Variants in ERC2 observed in about 807,000 individuals in gnomAD.
ERC2 encodes the protein ELKS/RAB6-interacting/CAST family member 2.
ERC2 carries 42 observed loss-of-function variants against 114.8 expected under a neutral mutation model. The ratio of observed to expected loss-of-function variants is 0.37; its 90% confidence interval spans 0.29 to 0.47. The LOEUF (loss-of-function observed/expected upper bound fraction) is 0.47. Among genes scored for constraint, ERC2 ranks in the 20% least tolerant of loss-of-function variants. The pLI, the probability that ERC2 is intolerant of heterozygous loss-of-function variation, is 0.99. For synonymous variants in ERC2, 454 were observed against 425.5 expected, an observed-to-expected ratio of 1.07 and a Z score of -0.82; for missense variants, 939 against 1,150.7, an observed-to-expected ratio of 0.82 and a Z score of 2.66.
intron 3 of ERC2, among the ~76,000 whole-genome samples, chr3:56,271,660 G>A: frequency 6.6e-6 from 1 of 152,100 alleles, no homozygotes; most frequent in East Asian, 1.9e-4. Context: ...TATTATATAA[G>A]GAAATTGCAT....
intron 7 of ERC2, among the ~76,000 whole-genome samples, chr3:56,051,123 G>A (rs2075742818): frequency 6.6e-6 from 1 of 152,138 alleles, no homozygotes; most frequent in Non-Finnish European, 1.5e-5. Flanking sequence ...TCAGAATGAA[G>A]CACTTCCCTG....
chr3:56,150,581 TTCCTTTAAAAATAA>T (rs1340177539), intron 4 of ERC2, among the ~76,000 whole-genome samples: 79 of 152,346 alleles, frequency 5.2e-4, no homozygotes, highest in African/African-American at 1.8e-3. Context: ...GTATTTCATT[TTCCTTTAAAAATAA>T]TACCTATTGT....
chr3:55,580,812 T>C (rs2057224115), intron 17 of ERC2, among the ~76,000 whole-genome samples: 1 of 152,196 alleles, frequency 6.6e-6, no homozygotes, highest in Admixed American at 6.5e-5. Flanking sequence ...TGTGCTTGCC[T>C]ACATGGGGTT....
intron 3 of ERC2, among the ~76,000 whole-genome samples, chr3:56,264,810 C>A (rs1576164001): frequency 2.9e-5 from 3 of 104,700 alleles, no homozygotes; most frequent in Non-Finnish European, 4.0e-5. Context: ...TTGTCTACAG[C>A]AAATATGACC....
At chr3:56,420,533 G>A (rs1404664773) in intron 2 of ERC2, among the ~76,000 whole-genome samples, 1 of 151,896 alleles carries the variant, frequency 6.6e-6, no homozygotes. Context: ...AAAGTTTACA[G>A]ATCCTAATTA....
intron 2 of ERC2, among the ~76,000 whole-genome samples, chr3:56,320,049 T>C (rs1386610925): frequency 2.0e-5 from 3 of 152,206 alleles, no homozygotes; most frequent in Admixed American, 6.5e-5. Flanking sequence ...AAACGACAAT[T>C]CATTAATCAG....
intron 15 of ERC2, among the ~76,000 whole-genome samples, chr3:55,710,470 G>C (rs2063721640): frequency 1.3e-5 from 2 of 151,974 alleles, no homozygotes. Flanking sequence ...AATGTCTACT[G>C]TGTTGAGTCA....
At position 55,992,164 on chromosome 3, in the gene ERC2, G is replaced by A. The variant is rs1191910660; in HGVS notation, c.2148C>T (p.Arg716=). ...CCGCTTGGGCCTTGCCACACTCGTC[G>A]CGGTAGTAAGACGCCTCTTTATCGA... ...KQLDKEASYY[R]DECGKAQAEV... is the part of the protein sequence containing the mutation. The change falls in exon 11 of 18, where the codon CGC becomes CGT. Residue 716 remains arginine, a synonymous_variant. Transcript: ENST00000288221. The A allele has an allele frequency of 3.7e-6, 6 of 1,613,740 alleles. No homozygotes were observed. Among genetic ancestry groups the A allele is most frequent in the African/African-American group, 2.7e-5 (2 of 74,882 alleles).
At chr3:56,279,751 G>T (rs1393787255) in intron 3 of ERC2, among the ~76,000 whole-genome samples, 2 of 152,170 alleles carry the variant, frequency 1.3e-5, no homozygotes, top group Non-Finnish European at 2.9e-5. Context: ...ACTACAAGAG[G>T]TACGAAGCTG....
At chr3:56,265,843 A>G (rs1026111307) in intron 3 of ERC2, among the ~76,000 whole-genome samples, 18 of 152,014 alleles carry the variant, frequency 1.2e-4, no homozygotes, top group African/African-American at 4.1e-4. Context: ...AGCCTGGCCA[A>G]CATACTGAAA....
intron 17 of ERC2, among the ~76,000 whole-genome samples, chr3:55,627,405 G>T (rs2059562236): frequency 6.6e-6 from 1 of 152,076 alleles, no homozygotes; most frequent in African/African-American, 2.4e-5. Flanking sequence ...GGCAGAGGTT[G>T]CAGTGAGCTG....
At chr3:55,539,506 T>C (rs2054246586) in intron 17 of ERC2, among the ~76,000 whole-genome samples, 1 of 139,864 alleles carries the variant, frequency 7.1e-6, no homozygotes, top group Non-Finnish European at 1.5e-5. Flanking sequence ...CACTGCACGC[T>C]GCACCTCCCA....
chr3:55,679,846 G>A (rs1205447632), intron 17 of ERC2, among the ~76,000 whole-genome samples: 1 of 152,170 alleles, frequency 6.6e-6, no homozygotes, highest in East Asian at 1.9e-4. Flanking sequence ...TCTTTTTGCA[G>A]CCATTAAATT....
intron 17 of ERC2, among the ~76,000 whole-genome samples, chr3:55,537,921 C>T (rs1020158039): frequency 6.6e-6 from 1 of 152,192 alleles, no homozygotes; most frequent in Non-Finnish European, 1.5e-5. Flanking sequence ...TAGAACACTG[C>T]ATCCCCTTCC....
intron 12 of ERC2, among the ~76,000 whole-genome samples, chr3:55,969,864 T>G (rs2069030427): frequency 6.6e-6 from 1 of 152,180 alleles, no homozygotes; most frequent in Non-Finnish European, 1.5e-5. Context: ...CTTTTTAAAT[T>G]TCATTTTATG....
chr3:56,087,365 G>C (rs57679793), intron 6 of ERC2, among the ~76,000 whole-genome samples: 3,363 of 152,196 alleles, frequency 0.022, 117 homozygotes, highest in African/African-American at 0.077. Flanking sequence ...TCAGAGTTAA[G>C]CATTATTAAT....
chr3:56,228,224 C>T (rs1194448318), intron 3 of ERC2, among the ~76,000 whole-genome samples: 4 of 152,124 alleles, frequency 2.6e-5, no homozygotes, highest in African/African-American at 9.7e-5. Flanking sequence ...ATAATATTTA[C>T]CATCTCAACC....
At chr3:55,720,414 T>G (rs1410210998) in intron 15 of ERC2, among the ~76,000 whole-genome samples, 1 of 148,910 alleles carries the variant, frequency 6.7e-6, no homozygotes, top group African/African-American at 2.5e-5. Flanking sequence ...GTCTCCCGAG[T>G]AGCTGAGACT....
chr3:56,241,566 T>G (rs572585243), intron 3 of ERC2, among the ~76,000 whole-genome samples: 20 of 152,270 alleles, frequency 1.3e-4, no homozygotes, highest in Non-Finnish European at 2.5e-4. Flanking sequence ...ACAAACAACT[T>G]TCTTGATAGA....
Sources: allele counts gnomAD v4.1 joint callset (sites outside exome capture counted in the v4.1 genomes callset), GRCh38; gene constraint gnomAD v4.1.1; transcripts MANE v1.5; gene names NCBI Gene and HGNC (gene_info 2026-07-23, HGNC 2026-07-21).